Variants in CCDC88A observed in about 807,000 individuals in gnomAD.
CCDC88A encodes coiled-coil and HOOK domain protein 88A, also known as girdin.
A neutral mutation model predicts 234.3 loss-of-function variants in CCDC88A; 54 were observed. The observed-to-expected ratio is 0.23, with a 90% CI of 0.19 to 0.29. CCDC88A has a LOEUF of 0.29. Ranked by LOEUF, CCDC88A falls within the 10% of genes least tolerant of loss-of-function variation. The pLI is 1.00. For missense variants in CCDC88A, 1,832 were observed against 2,123.4 expected (o/e 0.86, Z 2.70); for synonymous variants, 753 against 737.8 (o/e 1.02, Z -0.33).
intron 5 of CCDC88A, among the ~76,000 whole-genome samples, chr2:55,371,874 T>C (rs1026199046): frequency 1.3e-5 from 2 of 152,160 alleles, no homozygotes; most frequent in Admixed American, 1.3e-4. Context: ...CCCAATCTCC[T>C]GACCTGAAAG....
At chr2:55,344,601 C>G in intron 10 of CCDC88A, 87 bp from the exon 11 acceptor site, 1 of 728,582 alleles carries the variant, frequency 1.4e-6, no homozygotes, top group South Asian at 3.0e-5. Context: ...ATTAAGCCAT[C>G]TTTATCAACA....
rs377247476 is a variant in CCDC88A, at chr2:55,296,497, G to A, written c.4852C>T (p.Pro1618Ser). 55 of 1,614,040 alleles carry A rather than the reference G, an allele frequency of 3.4e-5. No individual in the cohort carries two copies. The highest frequency in any genetic ancestry group is 4.4e-5 in the Non-Finnish European group (52 of 1,180,024). Reference sequence around the variant, plus strand: ...AATTCTCCACTGCTGTGGCTTTGTGGCCTGCTTTGGTTATTAACTGCACCT... The same window carrying A: ...AATTCTCCACTGCTGTGGCTTTGTGACCTGCTTTGGTTATTAACTGCACCT... ...KAGAVNNQSR[P>S]QSHSSGEFSL... Residue 1618 changes from proline (P) to serine (S), a missense_variant, in exon 30 of 33, where the codon CCA (proline) becomes TCA (serine). Pro to Ser is a moderately conservative substitution (Grantham distance 74). Coordinates refer to ENST00000436346, the MANE Select transcript of CCDC88A (RefSeq NM_001365480.1).
intron 2 of CCDC88A, among the ~76,000 whole-genome samples, chr2:55,408,811 G>A (rs1469905700): frequency 6.6e-6 from 1 of 152,024 alleles, no homozygotes; most frequent in African/African-American, 2.4e-5. Context: ...CAAGATCCAA[G>A]AACCCTCTCT....
intron 17 of CCDC88A, chr2:55,324,389 ACT>A (rs1449739288): frequency 6.6e-6 from 1 of 152,188 alleles, no homozygotes; most frequent in Non-Finnish European, 1.5e-5. Flanking sequence ...CTAAGCAACC[ACT>A]GTTTTCATTT....
chr2:55,307,230 C>CA lies in CCDC88A; in HGVS notation c.4387+1578_4387+1579insT, dbSNP rs1681704071. Among the ~76,000 whole-genome samples the CA allele has an allele frequency of 1.1e-4, 17 of 152,206 alleles. No individual in the cohort carries two copies. The South Asian group carries it at 2.3e-3, about 20-fold the overall frequency. On this transcript the variant is annotated intron_variant, in intron 25 of 32. Coordinates refer to ENST00000436346, the MANE Select transcript of CCDC88A (RefSeq NM_001365480.1). ...TTCCAAAGCTTTTACTTTGGTTTTA[C>CA]TGTTTAAGCATACTAGTAATGAAAT...
chr2:55,335,401 TCA>T lies in CCDC88A; in HGVS notation c.1657-239_1657-238del, dbSNP rs1451982499. Among the ~76,000 whole-genome samples the T allele has an allele frequency of 6.6e-6, 1 of 152,130 alleles. No homozygotes were observed. Among genetic ancestry groups the T allele is most frequent in the Non-Finnish European group, 1.5e-5 (1 of 68,010 alleles). ...ATTAAAGTTCATGTTTTTAGGAAGT[TCA>T]CAGTTTAAAGGAACGGTTGAGAAAT... On this transcript the variant is annotated intron_variant, in intron 14 of 32. Transcript: ENST00000436346. The surrounding 1 kb of genome is among the most constrained non-coding windows in gnomAD (Gnocchi z 4.5).
chr2:55,410,892 C>CA lies in CCDC88A; in HGVS notation c.164+7923dup, dbSNP rs71924495. Reference sequence around the variant, plus strand: ...TCGGCAAGAGAGAGAGGCCTTGTCTCAAAAAAAAAAAAAAATTATTAAACT... The same window carrying CA: ...TCGGCAAGAGAGAGAGGCCTTGTCTCAAAAAAAAAAAAAAAATTATTAAACT... On this transcript the variant is annotated intron_variant, in intron 2 of 32. Transcript: ENST00000436346. Among the ~76,000 whole-genome samples, 340 of 131,948 alleles carry CA rather than the reference C, an allele frequency of 2.6e-3. 2 individuals carry two copies. Among genetic ancestry groups the CA allele is most frequent in the Middle Eastern group, 0.012 (3 of 250 alleles). The allele number at this position is 131,948 out of a possible 152,430, so 86.6% of individuals were successfully genotyped here. A position where few individuals can be genotyped will look rare whatever the true frequency, so the allele number is the denominator to read the frequency against.
At chr2:55,369,031 G>T (rs1164892635) in intron 5 of CCDC88A, among the ~76,000 whole-genome samples, 1 of 152,064 alleles carries the variant, frequency 6.6e-6, no homozygotes, top group Non-Finnish European at 1.5e-5. Context: ...AACACCCACA[G>T]AATAATTTTT....
chr2:55,390,053 A>AAAAAAAAT lies in CCDC88A; in HGVS notation c.165-1168_165-1167insATTTTTTT. 2.5e-5 allele frequency among the ~76,000 whole-genome samples: 2 copies of AAAAAAAAT among 79,780 alleles called. 1 individual carries two copies. The highest frequency in any genetic ancestry group is 9.3e-5 in the African/African-American group (2 of 21,554). The allele number at this position is 79,780 out of a possible 152,430, so 52.3% of individuals were successfully genotyped here. On this transcript the variant is annotated intron_variant, in intron 2 of 32. Transcript: ENST00000436346. ...GAGACTCAAAAAAAAAAAAAAATAA[A>AAAAAAAAT]AAATAAAGATAGAACATTTCAAAGT...
At chr2:55,377,231 CTT>C (rs1673809893) in intron 3 of CCDC88A, among the ~76,000 whole-genome samples, 2 of 122,346 alleles carry the variant, frequency 1.6e-5, no homozygotes, top group Admixed American at 1.0e-4. Context: ...GGGTCTTACT[CTT>C]GTCACCCACA....
intron 2 of CCDC88A, among the ~76,000 whole-genome samples, chr2:55,399,480 T>C (rs1328328094): frequency 6.6e-6 from 1 of 150,586 alleles, no homozygotes. Context: ...TGAGCCGAGA[T>C]TGCGCCACTG....
chr2:55,302,043 G>T lies in CCDC88A; in HGVS notation c.4501C>A (p.Leu1501Ile). Residue 1501 changes from leucine (L) to isoleucine (I), a missense_variant, in exon 27 of 33, where the codon CTA becomes ATA. Physicochemically the swap from Leu to Ile is conservative, Grantham distance 5. Coordinates refer to ENST00000436346, the MANE Select transcript of CCDC88A (RefSeq NM_001365480.1). ...GTACTACCTGTCCACTGTCCTGCTA[G>T]GACCATGGACTGCACCAGGTCATTC... ...SMNDLVQSMV[L>I]AGQWTGSTEN... is the part of the protein sequence containing the mutation. The T allele has an allele frequency of 6.2e-7, 1 of 1,614,060 alleles. No homozygotes were observed. Among genetic ancestry groups the T allele is most frequent in the Non-Finnish European group, 8.5e-7 (1 of 1,179,952 alleles).
chr2:55,407,638 AT>A (rs1434061978), intron 2 of CCDC88A, among the ~76,000 whole-genome samples: 1 of 151,712 alleles, frequency 6.6e-6, no homozygotes, highest in African/African-American at 2.4e-5. Flanking sequence ...ATAAAATAAA[AT>A]GTTATAAACA....
At chr2:55,337,200 G>A (rs562488673) in intron 13 of CCDC88A, 33 of 160,876 alleles carry the variant, frequency 2.1e-4, no homozygotes, top group Non-Finnish European at 3.4e-4. Context: ...CAAGAAGGCA[G>A]GAGAAGATAT....
chr2:55,417,247 GA>G (rs1681643988), intron 2 of CCDC88A: 1 of 151,890 alleles, frequency 6.6e-6, no homozygotes, highest in Non-Finnish European at 1.5e-5. Flanking sequence ...CATTAAAGTG[GA>G]AAACTAAAGT....
At chr2:55,411,018 G>C (rs1250648257) in intron 2 of CCDC88A, among the ~76,000 whole-genome samples, 4 of 152,116 alleles carry the variant, frequency 2.6e-5, no homozygotes, top group Admixed American at 2.6e-4. Flanking sequence ...TTAAATGATT[G>C]ATTCAGGATT....
At chr2:55,405,919 T>A (rs1273426719) in intron 2 of CCDC88A, 1 of 151,974 alleles carries the variant, frequency 6.6e-6, no homozygotes, top group Non-Finnish European at 1.5e-5. Flanking sequence ...CAGCACTTTG[T>A]GAGGCTGAGG....
intron 28 of CCDC88A, 151 bp from the exon 29 acceptor site, chr2:55,300,070 T>A: frequency 1.6e-6 from 1 of 606,080 alleles, no homozygotes; most frequent in South Asian, 1.9e-5. Flanking sequence ...AATTTCCAGA[T>A]AGTTCATTGA....
chr2:55,376,785 A>T (rs1342672326), intron 3 of CCDC88A, among the ~76,000 whole-genome samples: 1 of 152,232 alleles, frequency 6.6e-6, no homozygotes, highest in Non-Finnish European at 1.5e-5. Flanking sequence ...ATATGCTATA[A>T]CTATGTGTGT....
Sources: gnomAD v4.1 joint callset for allele counts (sites outside exome capture counted in the v4.1 genomes callset) on GRCh38, gnomAD v4.1.1 for gene constraint, Gnocchi (gnomAD v3.1) non-coding constraint, MANE v1.5 for transcripts, NCBI Gene and HGNC (gene_info 2026-07-23, HGNC 2026-07-21) for gene names.